ATP11B: variants seen among roughly 807,000 people sequenced by gnomAD.
The protein encoded by ATP11B is phospholipid-transporting ATPase IF.
A neutral mutation model predicts 157.8 loss-of-function variants in ATP11B; 81 were observed. The observed-to-expected ratio is 0.51, with a 90% CI of 0.43 to 0.62. The LOEUF (loss-of-function observed/expected upper bound fraction) is 0.62, where lower values mean the gene tolerates loss of function less well. Among genes scored for constraint, ATP11B ranks in the 20% least tolerant of loss-of-function variants. ATP11B has a pLI of 0.00. For missense variants in ATP11B, 1,165 were observed against 1,402.2 expected (o/e 0.83, Z 2.70); for synonymous variants, 451 against 469.4 (o/e 0.96, Z 0.51).
chr3:182,861,369 A>G (rs959847255), intron 12 of ATP11B, among the ~76,000 whole-genome samples: 2 of 152,152 alleles, frequency 1.3e-5, no homozygotes, highest in Admixed American at 1.3e-4. Context: ...CCAGCCTAAT[A>G]ATACATTTTT....
chr3:182,885,795 C>T (rs1476842710), intron 22 of ATP11B, among the ~76,000 whole-genome samples, 156 bp from the exon 23 acceptor site: 1 of 152,062 alleles, frequency 6.6e-6, no homozygotes. Context: ...AAATGGGAAT[C>T]CTGCATTCCT....
chr3:182,917,644 T>A, intron 29 of ATP11B: 9 of 985,284 alleles, frequency 9.1e-6, no homozygotes, highest in Non-Finnish European at 1.1e-5. Context: ...CTTTGGTAAG[T>A]GGGATTTGGG....
chr3:182,825,678 G>A (rs1353081633), intron 2 of ATP11B, among the ~76,000 whole-genome samples: 2 of 149,066 alleles, frequency 1.3e-5, no homozygotes, highest in Non-Finnish European at 3.0e-5. Context: ...AACAGAGATC[G>A]AGCCACTGCA....
intron 8 of ATP11B, 56 bp from the exon 9 acceptor site, chr3:182,845,401 GA>G: frequency 7.0e-7 from 1 of 1,429,944 alleles, no homozygotes; most frequent in Non-Finnish European, 9.5e-7. Flanking sequence ...TGCCATTTCA[GA>G]ATTGAAGAGT....
chr3:182,915,823 A>G (rs1188515868), intron 29 of ATP11B: 38 of 977,686 alleles, frequency 3.9e-5, no homozygotes, highest in South Asian at 4.7e-5. Flanking sequence ...ATTATCATCT[A>G]TACTTCTTTT....
In ATP11B at chr3:182,819,270, A is replaced by C. The variant is rs564500266; in HGVS notation, c.28-990A>C. On this transcript the variant is annotated intron_variant, in intron 1 of 29. Coordinates refer to ENST00000323116, the MANE Select transcript of ATP11B (RefSeq NM_014616.3). ...TATTTTTTAGTAGAGACGGGGTTTC[A>C]CCATGTTGGCCAGGATGGTCTCGAT... Among the ~76,000 whole-genome samples, 5 of 151,804 alleles carry C rather than the reference A, an allele frequency of 3.3e-5. No individual in the cohort carries two copies. The South Asian group carries it at 1.0e-3, about 32-fold the overall frequency.
chr3:182,825,605 C>T (rs894700127), intron 2 of ATP11B, among the ~76,000 whole-genome samples: 8 of 152,138 alleles, frequency 5.3e-5, no homozygotes, highest in Middle Eastern at 3.4e-3. Context: ...TGCCTGTAGT[C>T]CCAGCTACTT....
At chr3:182,861,479 T>G (rs541592021) in intron 12 of ATP11B, among the ~76,000 whole-genome samples, 3 of 152,326 alleles carry the variant, frequency 2.0e-5, no homozygotes, top group African/African-American at 7.2e-5. Context: ...GAAGTTTGCC[T>G]GTGGAAGATA....
chr3:182,879,799 C>G (rs1420232247), intron 20 of ATP11B, 150 bp downstream of exon 20: 4 of 663,716 alleles, frequency 6.0e-6, no homozygotes, highest in Non-Finnish European at 6.9e-6. Flanking sequence ...AAATTTTAAT[C>G]ATGTACATCA....
rs904056268 is a variant in ATP11B at position 182,919,835 on chromosome 3, T to C, written c.*1731T>C. ...TAAGCTAAATATTAATTTTCAAAAA[T>C]AGTCCTTCTTTAACTTAGATATTTC... On this transcript the variant is annotated 3_prime_UTR_variant, in exon 30 of 30. Transcript: ENST00000323116. 1 of 152,380 alleles carries C rather than the reference T, an allele frequency of 6.6e-6. No homozygotes were observed. Among genetic ancestry groups the C allele is most frequent in the African/African-American group, 2.4e-5 (1 of 41,600 alleles). The allele number at this position is 152,380 out of a possible 1,614,324, so 9.4% of individuals were successfully genotyped here. A position where few individuals can be genotyped will look rare whatever the true frequency, so the allele number is the denominator to read the frequency against.
At chr3:182,900,636 T>A (rs942242552) in intron 28 of ATP11B, among the ~76,000 whole-genome samples, 1 of 152,220 alleles carries the variant, frequency 6.6e-6, no homozygotes, top group Middle Eastern at 3.2e-3. Context: ...GTACTATTTT[T>A]AAGGCTTTGT....
chr3:182,903,839 T>A (rs754191198), intron 28 of ATP11B, among the ~76,000 whole-genome samples: 4 of 152,240 alleles, frequency 2.6e-5, no homozygotes, highest in Non-Finnish European at 5.9e-5. Context: ...TGGCCAACTG[T>A]TTTGTCATAT....
chr3:182,793,711 G>GC lies in ATP11B; in HGVS notation c.-45dup. The GC allele has an allele frequency of 7.4e-7, 1 of 1,356,628 alleles. No individual in the cohort carries two copies. The highest frequency in any genetic ancestry group is 9.7e-7 in the Non-Finnish European group (1 of 1,030,832). The allele number at this position is 1,356,628 out of a possible 1,614,324, so 84.0% of individuals were successfully genotyped here. ...TCTGTCTTGTCGGCCTCCACCTGCA[G>GC]CCCCGCGGCCCCCGCGCCCCGCGGG... On this transcript the variant is annotated 5_prime_UTR_variant, in exon 1 of 30. Coordinates refer to ENST00000323116, the MANE Select transcript of ATP11B (RefSeq NM_014616.3).
chr3:182,816,548 C>T (rs1313860690), intron 1 of ATP11B, among the ~76,000 whole-genome samples: 2 of 152,134 alleles, frequency 1.3e-5, no homozygotes, highest in Non-Finnish European at 2.9e-5. Context: ...TCATACTAAA[C>T]GTGTAGTTAC....
chr3:182,836,161 A>G lies in ATP11B; in HGVS notation c.423+19A>G. 6.3e-7 allele frequency: 1 copy of G among 1,599,988 alleles called. No individual in the cohort carries two copies. Among genetic ancestry groups the G allele is most frequent in the Non-Finnish European group, 8.6e-7 (1 of 1,169,188 alleles). On this transcript the variant is annotated intron_variant, in intron 5 of 29. Coordinates refer to ENST00000323116, the MANE Select transcript of ATP11B (RefSeq NM_014616.3). ...CATTCGGGTATGCATCTGGTAAATA[A>G]TGGAAATCAACTTTATCTTGATATC... is the stretch of plus-strand genomic sequence containing the variant.
intron 1 of ATP11B, 130 bp downstream of exon 1, chr3:182,793,916 A>C (rs1399494836): frequency 4.1e-6 from 2 of 489,674 alleles, no homozygotes; most frequent in Admixed American, 9.6e-5. Flanking sequence ...GCCGCAGCGG[A>C]GACGGGCGCG....
chr3:182,887,244 G>A (rs143614381), intron 23 of ATP11B, among the ~76,000 whole-genome samples: 182 of 152,274 alleles, frequency 1.2e-3, no homozygotes, highest in African/African-American at 3.8e-3. Context: ...CATGTGGAAG[G>A]AGTAGTAAGA....
Position 182,793,707 on chromosome 3 carries a change from T to A in ATP11B, c.-53T>A. ...CGCCTCTGTCTTGTCGGCCTCCACCTGCAGCCCCGCGGCCCCCGCGCCCCG... is the reference window on the plus strand; with the variant it reads ...CGCCTCTGTCTTGTCGGCCTCCACCAGCAGCCCCGCGGCCCCCGCGCCCCG... On this transcript the variant is annotated 5_prime_UTR_variant, in exon 1 of 30. Coordinates refer to ENST00000323116, the MANE Select transcript of ATP11B (RefSeq NM_014616.3). The A allele has an allele frequency of 7.5e-7, 1 of 1,333,200 alleles. No homozygotes were observed. The highest frequency in any genetic ancestry group is 3.3e-5 in the East Asian group (1 of 30,560). The allele number at this position is 1,333,200 out of a possible 1,614,324, so 82.6% of individuals were successfully genotyped here. A position where few individuals can be genotyped will look rare whatever the true frequency, so the allele number is the denominator to read the frequency against.
At chr3:182,907,092 CAAAAA>C (rs58120749) in intron 28 of ATP11B, among the ~76,000 whole-genome samples, 1 of 115,428 alleles carries the variant, frequency 8.7e-6, no homozygotes, top group Non-Finnish European at 2.0e-5. Context: ...GACTCCGTCT[CAAAAA>C]AAAAAAAAAA....
Sources: allele counts gnomAD v4.1 joint callset (sites outside exome capture counted in the v4.1 genomes callset), GRCh38; gene constraint gnomAD v4.1.1; transcripts MANE v1.5; gene names NCBI Gene and HGNC (gene_info 2026-07-23, HGNC 2026-07-21).